The following RMDN2 variants were observed in gnomAD, a reference collection of about 807,000 sequenced individuals.
The protein encoded by RMDN2 is regulator of microtubule dynamics protein 2.
Under a neutral mutation model 52.8 loss-of-function variants are expected in RMDN2, and 61 were observed. The observed-to-expected ratio is 1.16, with a 90% CI of 0.94 to 1.43. RMDN2 has a LOEUF of 1.43. Ranked by LOEUF, RMDN2 falls within the 40% of genes most tolerant of loss-of-function variation. The pLI is 0.00. For missense variants in RMDN2, 592 were observed against 475.3 expected, an observed-to-expected ratio of 1.25 and a Z score of -2.28; for synonymous variants, 180 against 153.1, an observed-to-expected ratio of 1.18 and a Z score of -1.30.
intron 2 of RMDN2, chr2:37,951,562 A>T (rs1049712699): frequency 1.9e-6 from 3 of 1,612,814 alleles, no homozygotes; most frequent in South Asian, 1.1e-5. Context: ...TCCTCAGACC[A>T]TTGTGGTAGC....
intron 10 of RMDN2, among the ~76,000 whole-genome samples, chr2:38,046,942 C>T (rs1301230906): frequency 1.3e-5 from 2 of 151,998 alleles, no homozygotes; most frequent in Non-Finnish European, 2.9e-5. Context: ...GAGATTGCGC[C>T]ACTGCACTCC....
At chr2:37,979,033 A>C (rs59527249) in intron 4 of RMDN2, among the ~76,000 whole-genome samples, 1 of 151,956 alleles carries the variant, frequency 6.6e-6, no homozygotes, top group Non-Finnish European at 1.5e-5. Context: ...AGGGGCTAAA[A>C]TGAAGCATAG....
chr2:38,004,000 C>G lies in RMDN2; in HGVS notation c.1054C>G (p.Leu352Val). The change falls in exon 9 of 11, where the codon CTA becomes GTA. Residue 352 changes from leucine to valine, a missense_variant. Coordinates refer to ENST00000354545, the MANE Select transcript of RMDN2 (RefSeq NM_001170791.3). Reference protein sequence around the residue: ...ALHNFLKAEELCPGYSNPNYM... With the variant: ...ALHNFLKAEEVCPGYSNPNYM... Reference sequence around the variant, plus strand: ...TTTTCTCTCAAATCAGGCTGAAGAACTATGCCCTGGTTATTCTAATCCCAA... The same window carrying G: ...TTTTCTCTCAAATCAGGCTGAAGAAGTATGCCCTGGTTATTCTAATCCCAA... The G allele has an allele frequency of 6.2e-7, 1 of 1,612,438 alleles. No individual in the cohort carries two copies. Among genetic ancestry groups the G allele is most frequent in the Admixed American group, 1.7e-5 (1 of 60,010 alleles).
intron 10 of RMDN2, among the ~76,000 whole-genome samples, chr2:38,039,747 T>C (rs1680837927): frequency 6.6e-6 from 1 of 152,212 alleles, no homozygotes; most frequent in Admixed American, 6.5e-5. Flanking sequence ...GGTGCCAGGC[T>C]GGCCCTGCCC....
upstream of RMDN2, among the ~76,000 whole-genome samples, chr2:37,924,658 C>T (rs935680399): frequency 6.6e-6 from 1 of 152,222 alleles, no homozygotes; most frequent in African/African-American, 2.4e-5. Flanking sequence ...TGACCCACCG[C>T]GCCCGGCCCA....
intron 10 of RMDN2, among the ~76,000 whole-genome samples, chr2:38,045,216 G>T (rs1681198601): frequency 6.6e-6 from 1 of 152,070 alleles, no homozygotes; most frequent in Non-Finnish European, 1.5e-5. Flanking sequence ...AAAAGTTCTG[G>T]TTTTCTTCTC....
At chr2:37,952,144 T>G (rs748217260) in intron 2 of RMDN2, 1 of 1,613,172 alleles carries the variant, frequency 6.2e-7, no homozygotes, top group South Asian at 1.1e-5. Flanking sequence ...GATGAAGACT[T>G]TGCTGTCTTG....
At chr2:38,050,790 G>A (rs1245803762) in intron 10 of RMDN2, among the ~76,000 whole-genome samples, 4 of 152,100 alleles carry the variant, frequency 2.6e-5, no homozygotes, top group Admixed American at 6.5e-5. Flanking sequence ...ACAGAGGCTC[G>A]CTCTGTCGCA....
chr2:37,958,614 T>C (rs555867501), intron 2 of RMDN2, among the ~76,000 whole-genome samples: 14 of 151,040 alleles, frequency 9.3e-5, no homozygotes, highest in South Asian at 2.1e-4. Context: ...CTCTTTGTAT[T>C]TGAGTATGCT....
In RMDN2 at chr2:37,980,660, G is replaced by C. The variant is rs114321632; in HGVS notation, c.731-623G>C. Among the ~76,000 whole-genome samples, 270 of 152,222 alleles carry C rather than the reference G, an allele frequency of 1.8e-3. 2 individuals carry two copies. Among genetic ancestry groups the C allele is most frequent in the African/African-American group, 6.2e-3 (256 of 41,532 alleles). ...TCTAAAACTAAGTAAAATAATTTGG[G>C]GGAATTATTTATGTCACTGGCCCTG... On this transcript the variant is annotated intron_variant, in intron 4 of 10. Coordinates refer to ENST00000354545, the MANE Select transcript of RMDN2 (RefSeq NM_001170791.3).
intron 6 of RMDN2, 42 bp downstream of exon 6, chr2:37,989,658 C>T (rs1485691540): frequency 1.6e-6 from 2 of 1,250,674 alleles, no homozygotes; most frequent in Non-Finnish European, 2.3e-6. Flanking sequence ...CAGATCCAGA[C>T]ATATGGAAGG....
chr2:38,063,740 A>C (rs1014056722), intron 10 of RMDN2, among the ~76,000 whole-genome samples: 4 of 152,222 alleles, frequency 2.6e-5, no homozygotes, highest in Non-Finnish European at 5.9e-5. Context: ...AAAGTGGGCG[A>C]AGGATATGAA....
chr2:37,985,378 T>TTTATTTATTTATTTA (rs58839115), intron 5 of RMDN2, among the ~76,000 whole-genome samples: 1 of 151,496 alleles, frequency 6.6e-6, no homozygotes, highest in African/African-American at 2.4e-5. Context: ...ATGATCTGTT[T>TTTATTTATTTATTTA]TTTATTTATT....
chr2:38,066,914 T>G, intron 10 of RMDN2: 1 of 1,521,292 alleles, frequency 6.6e-7, no homozygotes, highest in Non-Finnish European at 9.1e-7. Flanking sequence ...TAAAGTGAGG[T>G]TCCCACGCCA....
intron 10 of RMDN2, among the ~76,000 whole-genome samples, chr2:38,061,634 T>TAC (rs770985216): frequency 4.8e-4 from 51 of 105,538 alleles, no homozygotes; most frequent in East Asian, 2.9e-3. Context: ...TCACACACAG[T>TAC]ACACACACAC....
chr2:38,022,028 G>A (rs1679421398), downstream of RMDN2, among the ~76,000 whole-genome samples: 3 of 152,158 alleles, frequency 2.0e-5, no homozygotes, highest in South Asian at 6.2e-4. Flanking sequence ...CATAACTGAG[G>A]CTTGGAATAA....
chr2:37,977,359 C>T (rs1245962297), intron 4 of RMDN2, among the ~76,000 whole-genome samples: 3 of 152,182 alleles, frequency 2.0e-5, no homozygotes, highest in Non-Finnish European at 4.4e-5. Context: ...GTTGGGTACA[C>T]CTCCCAGACG....
At chr2:37,971,638 C>G (rs1671823148) in intron 2 of RMDN2, among the ~76,000 whole-genome samples, 1 of 152,104 alleles carries the variant, frequency 6.6e-6, no homozygotes, top group Non-Finnish European at 1.5e-5. Context: ...ATCTTACATG[C>G]CAACTCTCCC....
At chr2:38,033,410 T>A (rs1248207135) in intron 10 of RMDN2, among the ~76,000 whole-genome samples, 1 of 152,212 alleles carries the variant, frequency 6.6e-6, no homozygotes, top group Admixed American at 6.5e-5. Context: ...TCTCAGAACA[T>A]TGTTGTTGGA....
Sources: gnomAD v4.1 joint callset for allele counts (sites outside exome capture counted in the v4.1 genomes callset) on GRCh38, gnomAD v4.1.1 for gene constraint, MANE v1.5 for transcripts, NCBI Gene and HGNC (gene_info 2026-07-23, HGNC 2026-07-21) for gene names.